HTR4: variants seen among roughly 807,000 people sequenced by gnomAD.
HTR4 encodes the protein 5-hydroxytryptamine receptor 4.
A neutral mutation model predicts 36.8 loss-of-function variants in HTR4; 16 were observed. The observed-to-expected ratio is 0.43, with a 90% CI of 0.29 to 0.66. The LOEUF is 0.66. Ranked by LOEUF, HTR4 falls within the 30% of genes least tolerant of loss-of-function variation. The pLI is 0.13. For synonymous variants in HTR4, 189 were observed against 185.1 expected (o/e 1.02, Z -0.17); for missense variants, 438 against 490.9 (o/e 0.89, Z 1.02).
intron 5 of HTR4, among the ~76,000 whole-genome samples, chr5:148,457,488 C>T (rs1429486154): frequency 6.6e-6 from 1 of 151,948 alleles, no homozygotes; most frequent in African/African-American, 2.4e-5. Context: ...ATAATAGCCC[C>T]CTCTGCCTGC....
intron 1 of HTR4, among the ~76,000 whole-genome samples, chr5:148,652,436 T>C (rs1360846705): frequency 6.6e-6 from 1 of 152,184 alleles, no homozygotes; most frequent in African/African-American, 2.4e-5. Context: ...TTTCAGGTGC[T>C]GTCCTTTAGT....
At chr5:148,613,544 G>C (rs1363850303) in intron 2 of HTR4, among the ~76,000 whole-genome samples, 2 of 150,218 alleles carry the variant, frequency 1.3e-5, no homozygotes, top group Non-Finnish European at 3.0e-5. Context: ...AATAATAAGA[G>C]CTATCTATGA....
At chr5:148,555,271 T>G (rs1421278571) in intron 2 of HTR4, among the ~76,000 whole-genome samples, 1 of 152,130 alleles carries the variant, frequency 6.6e-6, no homozygotes, top group African/African-American at 2.4e-5. Context: ...TCTTTACTCT[T>G]GTAAAAGAAG....
At chr5:148,496,912 C>T (rs1756710272) in intron 6 of HTR4, among the ~76,000 whole-genome samples, 2 of 152,316 alleles carry the variant, frequency 1.3e-5, no homozygotes, top group African/African-American at 4.8e-5. Context: ...ATTAAATGCT[C>T]AATACATAGT....
chr5:148,639,405 T>G (rs1360717201), intron 1 of HTR4, among the ~76,000 whole-genome samples: 1 of 152,032 alleles, frequency 6.6e-6, no homozygotes, highest in Non-Finnish European at 1.5e-5. Flanking sequence ...GCTGCTTTCC[T>G]GGGCCGTAAC....
intron 5 of HTR4, among the ~76,000 whole-genome samples, chr5:148,512,893 T>C (rs963571672): frequency 1.3e-5 from 2 of 151,724 alleles, no homozygotes; most frequent in African/African-American, 2.4e-5. Flanking sequence ...ATCACGCCAC[T>C]GCACTCCAGC....
At chr5:148,571,641 C>A (rs1374026842) in intron 2 of HTR4, among the ~76,000 whole-genome samples, 3 of 151,952 alleles carry the variant, frequency 2.0e-5, no homozygotes, top group Non-Finnish European at 2.9e-5. Flanking sequence ...ATATGACTTT[C>A]AAGAGCTAGG....
chr5:148,602,244 T>C (rs774789121), intron 2 of HTR4, among the ~76,000 whole-genome samples: 85 of 152,178 alleles, frequency 5.6e-4, no homozygotes, highest in Admixed American at 5.9e-4. Context: ...GTATACTTAC[T>C]CCCACACTCA....
At chr5:148,484,447 G>C in intron 6 of HTR4, 1 of 1,453,350 alleles carries the variant, frequency 6.9e-7, no homozygotes, top group Non-Finnish European at 9.4e-7. Flanking sequence ...CACAAGCTAT[G>C]AGTCTATGGT....
chr5:148,495,703 A>C (rs2113743572), intron 6 of HTR4, among the ~76,000 whole-genome samples: 1 of 152,348 alleles, frequency 6.6e-6, no homozygotes, highest in African/African-American at 2.4e-5. Context: ...CATGTCTTCC[A>C]AGTGGGGAGA....
At position 148,511,706 on chromosome 5, in the gene HTR4, A is replaced by G. The variant is rs188599904; in HGVS notation, c.508-1682T>C. 5.2e-4 allele frequency among the ~76,000 whole-genome samples: 78 copies of G among 151,284 alleles called. No homozygotes were observed. In the South Asian group the frequency reaches 6.9e-3, roughly 13 times the overall value. ...TACCCAGGACTGAAATTGCTGTATC[A>G]TAGCTTGGGTATATACAGCCAAACA... On this transcript the variant is annotated intron_variant, in intron 5 of 6. Coordinates refer to ENST00000377888, the MANE Select transcript of HTR4 (RefSeq NM_000870.7).
chr5:148,526,790 G>C (rs908913338), intron 4 of HTR4, among the ~76,000 whole-genome samples: 4 of 152,086 alleles, frequency 2.6e-5, no homozygotes, highest in Non-Finnish European at 5.9e-5. Context: ...GACAAATATT[G>C]CATGTTGTCC....
chr5:148,534,637 C>A (rs543050512), intron 4 of HTR4, among the ~76,000 whole-genome samples: 1 of 152,230 alleles, frequency 6.6e-6, no homozygotes, highest in African/African-American at 2.4e-5. Flanking sequence ...ACACCTCCAA[C>A]AAGCTGCACT....
intron 6 of HTR4, among the ~76,000 whole-genome samples, chr5:148,490,326 A>G (rs1045232646): frequency 6.6e-6 from 1 of 151,896 alleles, no homozygotes; most frequent in Non-Finnish European, 1.5e-5. Flanking sequence ...TCCTTTGGAA[A>G]TGTCTACATT....
chr5:148,521,451 GTGA>G (rs991911734), intron 5 of HTR4, among the ~76,000 whole-genome samples: 1 of 151,860 alleles, frequency 6.6e-6, no homozygotes, highest in Non-Finnish European at 1.5e-5. Flanking sequence ...CCTTCAAGCT[GTGA>G]TATCAGTTTT....
chr5:148,562,236 G>C (rs886781168), intron 2 of HTR4, among the ~76,000 whole-genome samples: 4 of 152,108 alleles, frequency 2.6e-5, no homozygotes, highest in Non-Finnish European at 5.9e-5. Flanking sequence ...AGATTTCATG[G>C]CCCGAAGAGA....
intron 2 of HTR4, among the ~76,000 whole-genome samples, chr5:148,594,530 A>T (rs890769342): frequency 6.6e-6 from 1 of 152,128 alleles, no homozygotes; most frequent in African/African-American, 2.4e-5. Context: ...CCAAAGAAAA[A>T]TTTTGAAATC....
chr5:148,572,728 C>G (rs1329827337), intron 2 of HTR4, among the ~76,000 whole-genome samples: 2 of 152,054 alleles, frequency 1.3e-5, no homozygotes, highest in African/African-American at 2.4e-5. Context: ...TCTCTAGAAC[C>G]CTTTTCTTTA....
intron 2 of HTR4, among the ~76,000 whole-genome samples, chr5:148,558,423 GA>G (rs749159643): frequency 1.3e-5 from 2 of 152,062 alleles, no homozygotes; most frequent in Non-Finnish European, 2.9e-5. Context: ...ATTTACTTTA[GA>G]AAATTTGTAA....
Sources: gnomAD v4.1 joint callset for allele counts (sites outside exome capture counted in the v4.1 genomes callset) on GRCh38, gnomAD v4.1.1 for gene constraint, MANE v1.5 for transcripts, NCBI Gene and HGNC (gene_info 2026-07-23, HGNC 2026-07-21) for gene names.